The following PRDM16 variants were observed in gnomAD, a reference collection of about 807,000 sequenced individuals.
PRDM16 encodes the protein histone-lysine N-methyltransferase PRDM16.
PRDM16 carries 23 observed loss-of-function variants against 110.6 expected under a neutral mutation model. The observed-to-expected ratio is 0.21, with a 90% CI of 0.15 to 0.29. The LOEUF is 0.29. Ranked by LOEUF, PRDM16 falls within the 10% of genes least tolerant of loss-of-function variation. The pLI, the probability that PRDM16 is intolerant of heterozygous loss-of-function variation, is 1.00. For synonymous variants in PRDM16, 799 were observed against 781.8 expected (o/e 1.02, Z -0.37); for missense variants, 1,615 against 1,794.3 (o/e 0.90, Z 1.81).
At chr1:3,147,441 G>A (rs1643697988) in intron 1 of PRDM16, among the ~76,000 whole-genome samples, 2 of 152,076 alleles carry the variant, frequency 1.3e-5, no homozygotes, top group Admixed American at 1.3e-4. Context: ...AGGTGCCCTG[G>A]GCAGTGTATC....
At chr1:3,130,849 T>C (rs1372073069) in intron 1 of PRDM16, among the ~76,000 whole-genome samples, 2 of 151,148 alleles carry the variant, frequency 1.3e-5, no homozygotes, top group Admixed American at 6.6e-5. Flanking sequence ...CGGTTCTGGG[T>C]TTCACAGCGT....
chr1:3,403,103 G>T (rs184651439), intron 6 of PRDM16, 105 bp downstream of exon 6: 1 of 981,062 alleles, frequency 1.0e-6, no homozygotes, highest in Non-Finnish European at 1.5e-6. Context: ...CCCTTCCCCC[G>T]CCTCGCCCCC....
chr1:3,227,194 G>A lies in PRDM16; in HGVS notation c.388-16893G>A, dbSNP rs137998648. ...CTCATCCCCGGGCTGCTGGAGCTCC[G>A]ACCTTGCCTTCTCGCCCGGCGAGGA... On this transcript the variant is annotated intron_variant, in intron 2 of 16. Coordinates refer to ENST00000270722, the MANE Select transcript of PRDM16 (RefSeq NM_022114.4). 5.5e-4 allele frequency among the ~76,000 whole-genome samples: 84 copies of A among 152,362 alleles called. 1 individual carries two copies. Among genetic ancestry groups the A allele is most frequent in the African/African-American group, 1.7e-3 (71 of 41,590 alleles).
At chr1:3,379,258 GCACACCCCTCCCAA>G (rs1643055229) in intron 3 of PRDM16, among the ~76,000 whole-genome samples, 1 of 52,746 alleles carries the variant, frequency 1.9e-5, no homozygotes. Context: ...AGTCCTCCCA[GCACACCCCTCCCAA>G]CACACCCCTC....
intron 4 of PRDM16, among the ~76,000 whole-genome samples, chr1:3,394,697 C>T (rs6702992): frequency 0.61 from 92,654 of 152,132 alleles, 28,302 homozygotes; most frequent in South Asian, 0.73. Context: ...TCCACTTGCG[C>T]CTGCTACAAT....
rs1198743752 is a variant in PRDM16, at chr1:3,430,338, C to T, written c.3285-534C>T. ...TGCAGAAGAGTCCCCCCACAGGCTCCGAAGCAAGCTTGTCCTGGTGCATTC... is the reference window on the plus strand; with the variant it reads ...TGCAGAAGAGTCCCCCCACAGGCTCTGAAGCAAGCTTGTCCTGGTGCATTC... On this transcript the variant is annotated intron_variant, in intron 14 of 16. Transcript: ENST00000270722. 7.9e-5 allele frequency among the ~76,000 whole-genome samples: 12 copies of T among 152,322 alleles called. 1 individual carries two copies. The highest frequency in any genetic ancestry group is 6.2e-4 in the South Asian group (3 of 4,828).
chr1:3,334,327 C>T (rs937653344), intron 3 of PRDM16, among the ~76,000 whole-genome samples: 4 of 152,198 alleles, frequency 2.6e-5, no homozygotes, highest in Admixed American at 6.5e-5. Context: ...GGTCCCACCA[C>T]GTCAGGGACT....
chr1:3,221,615 GGCA>G (rs1284490596), intron 2 of PRDM16, among the ~76,000 whole-genome samples: 7 of 152,314 alleles, frequency 4.6e-5, no homozygotes, highest in South Asian at 4.1e-4. Context: ...CAGAGGCAGG[GGCA>G]GCCTCTTGCA....
chr1:3,420,827 G>A (rs941080783), intron 12 of PRDM16, among the ~76,000 whole-genome samples: 1 of 152,146 alleles, frequency 6.6e-6, no homozygotes, highest in East Asian at 1.9e-4. Context: ...GTGGGGAGAG[G>A]GGCTGCTCCT....
At position 3,436,108 on chromosome 1, in the gene PRDM16, G is replaced by A. The variant is rs1638902500; in HGVS notation, c.*2297G>A. ...TTCCAGTTTCCCTTGATCTAGATGG[G>A]ATTCTTATAAAAATTCAACCTCAGA... is the stretch of plus-strand genomic sequence containing the variant. On this transcript the variant is annotated 3_prime_UTR_variant, in exon 17 of 17. Transcript: ENST00000270722. 4.3e-6 allele frequency: 1 copy of A among 230,560 alleles called. No individual in the cohort carries two copies. Among genetic ancestry groups the A allele is most frequent in the South Asian group, 1.8e-4 (1 of 5,504 alleles). 14.3% of individuals were successfully genotyped at this position (230,560 alleles called of 1,614,324 possible). A position where few individuals can be genotyped will look rare whatever the true frequency, so the allele number is the denominator to read the frequency against.
In PRDM16 at chr1:3,360,229, G is replaced by A. The variant is rs143731871; in HGVS notation, c.439-24923G>A. On this transcript the variant is annotated intron_variant, in intron 3 of 16. Coordinates refer to ENST00000270722, the MANE Select transcript of PRDM16 (RefSeq NM_022114.4). ...CTCGAATGCAGCTGAGGGCGCTTGC[G>A]GGCCAGAGCGACCAGTCCCCTCTAG... Among the ~76,000 whole-genome samples the A allele has an allele frequency of 1.6e-4, 25 of 152,328 alleles. No individual in the cohort carries two copies. In the East Asian group the frequency reaches 2.9e-3, roughly 18 times the overall value.
At chr1:3,349,646 G>A (rs916250893) in intron 3 of PRDM16, among the ~76,000 whole-genome samples, 1 of 152,226 alleles carries the variant, frequency 6.6e-6, no homozygotes, top group Non-Finnish European at 1.5e-5. Context: ...AGAGCTCAGG[G>A]CCGCCCGTGA....
intron 14 of PRDM16, among the ~76,000 whole-genome samples, chr1:3,429,354 A>G (rs904837854): frequency 2.0e-5 from 3 of 152,220 alleles, no homozygotes; most frequent in African/African-American, 7.2e-5. Flanking sequence ...TAAAAAGCAA[A>G]TACTCTGTGC....
chr1:3,195,256 T>TC (rs1049298150), intron 2 of PRDM16, among the ~76,000 whole-genome samples: 6 of 152,052 alleles, frequency 3.9e-5, no homozygotes, highest in African/African-American at 1.5e-4. Flanking sequence ...GCTTCCCATG[T>TC]CCCCCGGCAC....
Position 3,190,199 on chromosome 1 carries a change from G to C in PRDM16, c.387+3725G>C, listed in dbSNP as rs967868534. Among the ~76,000 whole-genome samples the C allele has an allele frequency of 6.9e-5, 10 of 144,966 alleles. No individual in the cohort carries two copies. The highest frequency in any genetic ancestry group is 4.0e-4 in the East Asian group (2 of 4,984). On this transcript the variant is annotated intron_variant, in intron 2 of 16. Coordinates refer to ENST00000270722, the MANE Select transcript of PRDM16 (RefSeq NM_022114.4). This position sits in a 1 kb window ranked among gnomAD's most constrained non-coding sequence, Gnocchi z 5.0. ...CCTTACTTCAAGGTCGTGGGGCAGC[G>C]TTACTTCAAGGTCGTGGGGCAGCCT... is the stretch of plus-strand genomic sequence containing the variant.
intron 1 of PRDM16, among the ~76,000 whole-genome samples, chr1:3,153,440 G>A (rs1229903193): frequency 6.6e-6 from 1 of 152,242 alleles, no homozygotes; most frequent in East Asian, 1.9e-4. Flanking sequence ...GACAGGACGG[G>A]CGGGCGGTTC....
At chr1:3,236,164 C>T (rs756570062) in intron 2 of PRDM16, among the ~76,000 whole-genome samples, 12 of 152,152 alleles carry the variant, frequency 7.9e-5, no homozygotes, top group African/African-American at 2.2e-4. Flanking sequence ...CCTTGTGCCC[C>T]GAGGTGCTAG....
intron 3 of PRDM16, among the ~76,000 whole-genome samples, chr1:3,376,222 G>T (rs183409540): frequency 4.3e-4 from 66 of 152,296 alleles, no homozygotes; most frequent in Non-Finnish European, 3.4e-4. Context: ...GTGATTTCTG[G>T]TCTGTGGCTT....
rs7533798 is a variant in PRDM16, at chr1:3,209,915, T to C, written c.387+23441T>C. On this transcript the variant is annotated intron_variant, in intron 2 of 16. Coordinates refer to ENST00000270722, the MANE Select transcript of PRDM16 (RefSeq NM_022114.4). The surrounding 1 kb of genome is among the most constrained non-coding windows in gnomAD (Gnocchi z 4.6). ...GGGACTTCCAAAAGGTGCACCTGTG[T>C]TAGCCCTTTCACAGAACTCTTACTT... 0.077 allele frequency among the ~76,000 whole-genome samples: 11,737 copies of C among 152,226 alleles called. 993 individuals carry two copies. Among genetic ancestry groups the C allele is most frequent in the African/African-American group, 0.2 (8,367 of 41,520 alleles).
Sources: allele counts gnomAD v4.1 joint callset (sites outside exome capture counted in the v4.1 genomes callset), GRCh38; gene constraint gnomAD v4.1.1; non-coding constraint Gnocchi (gnomAD v3.1); transcripts MANE v1.5; gene names NCBI Gene and HGNC (gene_info 2026-07-23, HGNC 2026-07-21).